AGBL4: variants seen among roughly 807,000 people sequenced by gnomAD.
AGBL4 encodes the protein cytosolic carboxypeptidase 6.
AGBL4 carries 58 observed loss-of-function variants against 66.4 expected under a neutral mutation model. That is an observed-to-expected ratio of 0.87 (90% CI 0.71 to 1.09). The LOEUF (loss-of-function observed/expected upper bound fraction) is 1.09, where lower values mean the gene tolerates loss of function less well. Ranked by LOEUF, AGBL4 falls within the 50% of genes least tolerant of loss-of-function variation. AGBL4 has a pLI of 0.00. For synonymous variants in AGBL4, 234 were observed against 222.9 expected (o/e 1.05, Z -0.44); for missense variants, 579 against 631.0 (o/e 0.92, Z 0.88).
intron 4 of AGBL4, among the ~76,000 whole-genome samples, chr1:49,239,162 T>C (rs1187557062): frequency 6.6e-6 from 1 of 151,372 alleles, no homozygotes; most frequent in Non-Finnish European, 1.5e-5. Flanking sequence ...AAAATTGAAA[T>C]AAAAAAAAAC....
At chr1:48,762,503 T>C (rs1250679927) in intron 6 of AGBL4, among the ~76,000 whole-genome samples, 1 of 152,194 alleles carries the variant, frequency 6.6e-6, no homozygotes, top group Non-Finnish European at 1.5e-5. Context: ...CTGTTTCTCA[T>C]AGTCCTCAAA....
chr1:49,690,598 A>G (rs1571336168), intron 3 of AGBL4, among the ~76,000 whole-genome samples: 1 of 152,172 alleles, frequency 6.6e-6, no homozygotes, highest in East Asian at 1.9e-4. Context: ...TACTTACTTC[A>G]AAGAATTTCT....
intron 6 of AGBL4, among the ~76,000 whole-genome samples, chr1:48,706,795 C>G (rs543873724): frequency 2.0e-5 from 3 of 152,204 alleles, no homozygotes; most frequent in Non-Finnish European, 4.4e-5. Context: ...ATCTGGGGTT[C>G]CCACATCTGA....
chr1:49,782,415 G>A (rs1033701450), intron 2 of AGBL4, among the ~76,000 whole-genome samples: 24 of 152,260 alleles, frequency 1.6e-4, no homozygotes, highest in Non-Finnish European at 3.4e-4. Flanking sequence ...TCAAGAAGGA[G>A]TATAAAATAT....
intron 1 of AGBL4, among the ~76,000 whole-genome samples, chr1:49,915,252 C>T (rs1046920021): frequency 3.3e-5 from 5 of 152,052 alleles, no homozygotes; most frequent in African/African-American, 1.2e-4. Context: ...ACAGTGGGTG[C>T]AGCCCACCGA....
chr1:48,712,234 T>A (rs922960709), intron 6 of AGBL4, among the ~76,000 whole-genome samples: 1 of 152,200 alleles, frequency 6.6e-6, no homozygotes, highest in South Asian at 2.1e-4. Flanking sequence ...CACAAACCTG[T>A]GTTGAGAAGT....
chr1:49,625,072 C>T (rs1419910615), intron 3 of AGBL4, among the ~76,000 whole-genome samples: 2 of 152,084 alleles, frequency 1.3e-5, no homozygotes, highest in Non-Finnish European at 2.9e-5. Flanking sequence ...GGTTCAGTCC[C>T]TTACAGCCAG....
chr1:49,339,310 T>G (rs1275730484), intron 3 of AGBL4, among the ~76,000 whole-genome samples: 1 of 152,182 alleles, frequency 6.6e-6, no homozygotes, highest in Non-Finnish European at 1.5e-5. Flanking sequence ...TTTACAAAAT[T>G]AAAAAGTTCT....
intron 6 of AGBL4, among the ~76,000 whole-genome samples, chr1:48,737,239 G>A (rs922345141): frequency 3.3e-5 from 5 of 152,074 alleles, no homozygotes; most frequent in East Asian, 1.9e-4. Flanking sequence ...AGCCGAGATC[G>A]TGCCACTGCA....
intron 11 of AGBL4, among the ~76,000 whole-genome samples, chr1:48,543,242 T>C (rs1644103169): frequency 6.6e-6 from 1 of 152,126 alleles, no homozygotes; most frequent in African/African-American, 2.4e-5. Flanking sequence ...CAGGGTAATA[T>C]GCAGAGGAGG....
intron 9 of AGBL4, among the ~76,000 whole-genome samples, chr1:48,630,387 A>G (rs896782743): frequency 2.0e-5 from 3 of 152,122 alleles, no homozygotes; most frequent in African/African-American, 7.2e-5. Context: ...CTGTACACTG[A>G]GCACCTCTAA....
intron 5 of AGBL4, among the ~76,000 whole-genome samples, chr1:48,979,163 C>G (rs919218714): frequency 6.6e-6 from 1 of 152,178 alleles, no homozygotes; most frequent in Non-Finnish European, 1.5e-5. Context: ...TCCACACTTT[C>G]TGTGTGTATA....
chr1:49,108,844 G>A (rs1482327862), intron 4 of AGBL4, among the ~76,000 whole-genome samples: 3 of 152,098 alleles, frequency 2.0e-5, no homozygotes. Flanking sequence ...CATTTGTTAA[G>A]GCCCTAAATC....
chr1:49,816,935 T>G (rs1035154083), intron 2 of AGBL4, among the ~76,000 whole-genome samples: 2 of 152,092 alleles, frequency 1.3e-5, no homozygotes, highest in African/African-American at 4.8e-5. Context: ...GCTCACAAAA[T>G]CAGATTGGTC....
At chr1:49,611,772 T>G (rs768293841) in intron 3 of AGBL4, among the ~76,000 whole-genome samples, 11 of 152,142 alleles carry the variant, frequency 7.2e-5, no homozygotes, top group Non-Finnish European at 1.6e-4. Context: ...TGAATCTGAA[T>G]AAGGAGTAGA....
chr1:50,022,038 C>T (rs1662481697), intron 1 of AGBL4, among the ~76,000 whole-genome samples: 1 of 152,132 alleles, frequency 6.6e-6, no homozygotes, highest in African/African-American at 2.4e-5. Context: ...TTCCTGCTGC[C>T]TCGACCACTC....
At chr1:49,628,738 G>A (rs1427398234) in intron 3 of AGBL4, among the ~76,000 whole-genome samples, 1 of 152,136 alleles carries the variant, frequency 6.6e-6, no homozygotes, top group Non-Finnish European at 1.5e-5. Flanking sequence ...GAAGGCAGGA[G>A]ACTTAACATA....
rs536122014 is a variant in AGBL4 at position 49,086,008 on chromosome 1, G to T, written c.378-40208C>A. On this transcript the variant is annotated intron_variant, in intron 4 of 13. Transcript: ENST00000371839. ...TTGCTCCACCCCTTTGTTAGACAAG[G>T]TTTGGTGCCAGCCTCCAGCCCCGTG... is the stretch of plus-strand genomic sequence containing the variant. Among the ~76,000 whole-genome samples the T allele has an allele frequency of 5.3e-5, 8 of 152,272 alleles. No homozygotes were observed. The East Asian group carries it at 1.4e-3, about 26-fold the overall frequency.
intron 3 of AGBL4, among the ~76,000 whole-genome samples, chr1:49,578,500 T>C (rs1235965435): frequency 2.0e-5 from 3 of 152,360 alleles, no homozygotes; most frequent in Non-Finnish European, 2.9e-5. Flanking sequence ...CATGACCAGC[T>C]GCAGAAATGA....
Sources: gnomAD v4.1 joint callset for allele counts (sites outside exome capture counted in the v4.1 genomes callset) on GRCh38, gnomAD v4.1.1 for gene constraint, MANE v1.5 for transcripts, NCBI Gene and HGNC (gene_info 2026-07-23, HGNC 2026-07-21) for gene names.